ASTN2: variants seen among roughly 807,000 people sequenced by gnomAD.
ASTN2 encodes astrotactin 2.
ASTN2 carries 54 observed loss-of-function variants against 139.8 expected under a neutral mutation model. The ratio of observed to expected loss-of-function variants is 0.39; its 90% confidence interval spans 0.31 to 0.48. The LOEUF (loss-of-function observed/expected upper bound fraction) is 0.48. Ranked by LOEUF, ASTN2 falls within the 20% of genes least tolerant of loss-of-function variation. The pLI is 0.95. For synonymous variants in ASTN2, 756 were observed against 719.5 expected, an observed-to-expected ratio of 1.05 and a Z score of -0.81; for missense variants, 1,565 against 1,725.1, an observed-to-expected ratio of 0.91 and a Z score of 1.64.
chr9:116,431,158 A>G (rs1847484338), intron 22 of ASTN2, among the ~76,000 whole-genome samples: 1 of 152,198 alleles, frequency 6.6e-6, no homozygotes, highest in African/African-American at 2.4e-5. Context: ...GAACCATTCT[A>G]TTCCCAGCAC....
rs145190112 is a variant in ASTN2 at position 117,114,729 on chromosome 9, T to C, written c.1169-18578A>G. On this transcript the variant is annotated intron_variant, in intron 4 of 22. Transcript: ENST00000313400. ...TGTTACTGCTTTGACTAAAAGAAAA[T>C]GACAGAATTGAGGCTATGTATCTTG... is the stretch of plus-strand genomic sequence containing the variant. 5.3e-5 allele frequency among the ~76,000 whole-genome samples: 8 copies of C among 152,208 alleles called. No individual in the cohort carries two copies. The East Asian group carries it at 1.5e-3, about 29-fold the overall frequency.
chr9:117,003,441 C>T (rs1837246514), intron 7 of ASTN2, among the ~76,000 whole-genome samples: 1 of 151,812 alleles, frequency 6.6e-6, no homozygotes, highest in African/African-American at 2.4e-5. Flanking sequence ...CGTCCTGTCC[C>T]CTGTCTTCTC....
intron 4 of ASTN2, among the ~76,000 whole-genome samples, chr9:117,137,304 C>A (rs1225036413): frequency 6.6e-6 from 1 of 152,154 alleles, no homozygotes; most frequent in East Asian, 1.9e-4. Context: ...TCTCGGCTAC[C>A]CATTCCATCT....
rs114527925 is a variant in ASTN2, at chr9:116,927,072, C to G, written c.1889+48136G>C. Among the ~76,000 whole-genome samples, 409 of 152,298 alleles carry G rather than the reference C, an allele frequency of 2.7e-3. 2 individuals are homozygous for G. Among genetic ancestry groups the G allele is most frequent in the African/African-American group, 9.4e-3 (391 of 41,570 alleles). On this transcript the variant is annotated intron_variant, in intron 10 of 22. Coordinates refer to ENST00000313400, the MANE Select transcript of ASTN2 (RefSeq NM_001365068.1). The stretch of plus-strand genomic sequence containing the variant: ...AGAGGTCAGCTCTGAGACATCTATC[C>G]TTGAGAAGGCTAAGGAGGAGTACCA...
chr9:117,339,783 G>C (rs1213410365), intron 1 of ASTN2, among the ~76,000 whole-genome samples: 2 of 151,968 alleles, frequency 1.3e-5, no homozygotes, highest in Non-Finnish European at 2.9e-5. Flanking sequence ...AAGGAGAAAG[G>C]GGAAGAGAAG....
intron 13 of ASTN2, among the ~76,000 whole-genome samples, chr9:116,754,818 T>C (rs183903883): frequency 1.3e-4 from 20 of 152,334 alleles, no homozygotes; most frequent in African/African-American, 4.8e-4. Flanking sequence ...AACAATTTTA[T>C]AGTCTAACCT....
In ASTN2 at chr9:117,239,657, C is replaced by G. The variant is rs148746212; in HGVS notation, c.631-24915G>C. Among the ~76,000 whole-genome samples, 607 of 152,326 alleles carry G rather than the reference C, an allele frequency of 4.0e-3. 2 individuals are homozygous for G. Among genetic ancestry groups the G allele is most frequent in the South Asian group, 0.018 (89 of 4,824 alleles). On this transcript the variant is annotated intron_variant, in intron 2 of 22. Coordinates refer to ENST00000313400, the MANE Select transcript of ASTN2 (RefSeq NM_001365068.1). ...CAGCTCTCTGAAAGCCTAGGAGAAC[C>G]ATTTCCATTTCTTTGAAGGCAAAGC...
chr9:117,163,288 T>A (rs1187851044), intron 3 of ASTN2, among the ~76,000 whole-genome samples: 2 of 152,066 alleles, frequency 1.3e-5, no homozygotes, highest in Admixed American at 6.6e-5. Context: ...CATCTCTGAA[T>A]TGAGACTGTA....
chr9:116,827,310 CCCCA>C, intron 11 of ASTN2, among the ~76,000 whole-genome samples: 1 of 82,846 alleles, frequency 1.2e-5, no homozygotes, highest in African/African-American at 5.5e-5. Flanking sequence ...ACTCCATCCC[CCCCA>C]AAAAAAAAAA....
At chr9:116,962,817 T>C (rs1835907724) in intron 10 of ASTN2, among the ~76,000 whole-genome samples, 1 of 152,190 alleles carries the variant, frequency 6.6e-6, no homozygotes, top group African/African-American at 2.4e-5. Flanking sequence ...AGGACTGTTT[T>C]GATGGTAGAG....
At chr9:116,561,182 C>A (rs1852894985) in intron 19 of ASTN2, among the ~76,000 whole-genome samples, 1 of 152,076 alleles carries the variant, frequency 6.6e-6, no homozygotes, top group Non-Finnish European at 1.5e-5. Context: ...TTCCCTCTTG[C>A]CTAATATCCT....
At chr9:117,306,637 T>A (rs1239804090) in intron 1 of ASTN2, among the ~76,000 whole-genome samples, 1 of 152,202 alleles carries the variant, frequency 6.6e-6, no homozygotes, top group East Asian at 1.9e-4. Flanking sequence ...ATGGAAACTG[T>A]GTTATGCTAT....
At chr9:117,057,973 C>A (rs538464708) in intron 5 of ASTN2, among the ~76,000 whole-genome samples, 248 of 152,234 alleles carry the variant, frequency 1.6e-3, no homozygotes, top group African/African-American at 5.8e-3. Flanking sequence ...TCATAAAGGG[C>A]AAAACATATG....
At chr9:116,668,155 C>T (rs1858982167) in intron 16 of ASTN2, among the ~76,000 whole-genome samples, 1 of 151,608 alleles carries the variant, frequency 6.6e-6, no homozygotes, top group African/African-American at 2.4e-5. Context: ...TCCAGAATGT[C>T]ATACAGTGGG....
At chr9:116,445,797 C>T (rs540583574) in intron 20 of ASTN2, among the ~76,000 whole-genome samples, 2 of 152,294 alleles carry the variant, frequency 1.3e-5, no homozygotes, top group South Asian at 2.1e-4. Context: ...TAATAATAGG[C>T]CCAGTTCAAT....
At chr9:117,401,933 G>C (rs1217613573) in intron 1 of ASTN2, among the ~76,000 whole-genome samples, 1 of 152,188 alleles carries the variant, frequency 6.6e-6, no homozygotes, top group Non-Finnish European at 1.5e-5. Context: ...GCTATATATA[G>C]TATGGCATAA....
At chr9:116,498,894 A>G (rs1238943800) in intron 19 of ASTN2, among the ~76,000 whole-genome samples, 1 of 152,220 alleles carries the variant, frequency 6.6e-6, no homozygotes, top group Non-Finnish European at 1.5e-5. Flanking sequence ...ATGCCAATAC[A>G]CTAACTCACT....
chr9:116,736,165 GT>G (rs1186179979), intron 13 of ASTN2, among the ~76,000 whole-genome samples: 1 of 152,180 alleles, frequency 6.6e-6, no homozygotes, highest in African/African-American at 2.4e-5. Context: ...CATGAGTTAA[GT>G]TTTAAAGTTG....
chr9:116,440,772 T>G lies in ASTN2; in HGVS notation c.3619A>C (p.Asn1207His). The G allele has an allele frequency of 6.2e-7, 1 of 1,613,764 alleles. No individual in the cohort carries two copies. The highest frequency in any genetic ancestry group is 8.5e-7 in the Non-Finnish European group (1 of 1,179,738). ...KAEEIADKIY[N>H]LYNGYTSGKE... ...CCACTTGTGTACCCATTGTACAGAT[T>G]GTAGATCTTGTCAGCTATTTCTGAG... is the stretch of plus-strand genomic sequence containing the variant. Residue 1207 changes from asparagine to histidine, a missense_variant, in exon 22 of 23, where the codon AAT (asparagine) becomes CAT (histidine). Physicochemically the swap from Asn to His is moderately conservative, Grantham distance 68. Around this residue, in one of 4 missense-constraint regions of ASTN2, gnomAD observed 418 missense variants for 465.8 expected, o/e 0.90. Coordinates refer to ENST00000313400, the MANE Select transcript of ASTN2 (RefSeq NM_001365068.1).
Sources: allele counts gnomAD v4.1 joint callset (sites outside exome capture counted in the v4.1 genomes callset), GRCh38; gene constraint gnomAD v4.1.1; regional missense constraint gnomAD v4.1.1; transcripts MANE v1.5; gene names NCBI Gene and HGNC (gene_info 2026-07-23, HGNC 2026-07-21).